Variants in UHRF1 observed in about 807,000 individuals in gnomAD.
UHRF1 encodes the protein ubiquitin like with PHD and ring finger domains 1.
Under a neutral mutation model 96.5 loss-of-function variants are expected in UHRF1, and 9 were observed. The ratio of observed to expected loss-of-function variants is 0.09; its 90% CI spans 0.06 to 0.16. UHRF1 has a LOEUF of 0.16. Among genes scored for constraint, UHRF1 ranks in the 10% least tolerant of loss-of-function variants. The pLI is 1.00. For synonymous variants in UHRF1, 455 were observed against 469.9 expected, an observed-to-expected ratio of 0.97 and a Z score of 0.41; for missense variants, 626 against 1,131.1, an observed-to-expected ratio of 0.55 and a Z score of 6.40.
intron 5 of UHRF1, 90 bp downstream of exon 5, chr19:4,933,046 G>T: frequency 7.1e-7 from 1 of 1,399,758 alleles, no homozygotes; most frequent in South Asian, 1.4e-5. Context: ...TCCAGCCAGC[G>T]CTGTGTGTGC....
At chr19:4,909,258 G>A (rs1568403105), upstream of UHRF1, 2 of 522,586 alleles carry the variant, frequency 3.8e-6, no homozygotes, top group South Asian at 2.5e-5. Context: ...CCACGTGCGG[G>A]GGGTGACCAG....
intron 2 of UHRF1, 40 bp downstream of exon 2, chr19:4,911,078 A>G: frequency 1.3e-6 from 2 of 1,483,244 alleles, no homozygotes; most frequent in East Asian, 2.5e-5. Context: ...TGCCTGGTCC[A>G]GGCCTCGCGC....
At position 4,909,641 on chromosome 19, in the gene UHRF1, G is replaced by C; in HGVS notation, c.-25G>C. The C allele has an allele frequency of 3.5e-6, 2 of 572,506 alleles. No individual in the cohort carries two copies. Among genetic ancestry groups the C allele is most frequent in the Non-Finnish European group, 6.1e-6 (2 of 327,264 alleles). 35.5% of individuals were successfully genotyped at this position (572,506 alleles called of 1,614,324 possible). A position where few individuals can be genotyped will look rare whatever the true frequency, so the allele number is the denominator to read the frequency against. Reference sequence around the variant, plus strand: ...ACGCGCGCAGGCAGACAAGCTGTTCGCGGCGACCGGAGAGGTGAGCGGGCG... The same window carrying C: ...ACGCGCGCAGGCAGACAAGCTGTTCCCGGCGACCGGAGAGGTGAGCGGGCG... On this transcript the variant is annotated 5_prime_UTR_variant, in exon 1 of 17. Coordinates refer to ENST00000650932, the MANE Select transcript of UHRF1 (RefSeq NM_001048201.3).
At chr19:4,935,731 C>T (rs575655724) in intron 5 of UHRF1, among the ~76,000 whole-genome samples, 4 of 152,160 alleles carry the variant, frequency 2.6e-5, no homozygotes, top group African/African-American at 7.2e-5. Flanking sequence ...AGTGACAGTC[C>T]GTCAGCTCTG....
chr19:4,958,398 T>C (rs1398631568), intron 16 of UHRF1, among the ~76,000 whole-genome samples: 1 of 152,150 alleles, frequency 6.6e-6, no homozygotes, highest in African/African-American at 2.4e-5. Context: ...AAGGAGGTGC[T>C]CAGGAGGTGG....
chr19:4,918,566 C>A (rs2032600250), intron 2 of UHRF1, among the ~76,000 whole-genome samples: 1 of 151,664 alleles, frequency 6.6e-6, no homozygotes, highest in Non-Finnish European at 1.5e-5. Flanking sequence ...AGGCATGCAC[C>A]ACCATGCCCG....
intron 2 of UHRF1, among the ~76,000 whole-genome samples, chr19:4,928,932 C>T (rs1161483569): frequency 1.3e-5 from 2 of 152,222 alleles, no homozygotes; most frequent in South Asian, 4.1e-4. Context: ...CCAAGACCCC[C>T]ATGTGTGCGT....
intron 5 of UHRF1, among the ~76,000 whole-genome samples, chr19:4,941,091 T>A (rs867889712): frequency 7.2e-6 from 1 of 138,024 alleles, no homozygotes; most frequent in Non-Finnish European, 1.6e-5. Context: ...TTTTGTTTTT[T>A]TTTTTTTTTT....
At chr19:4,933,098 G>A in intron 5 of UHRF1, 142 bp downstream of exon 5, 1 of 914,096 alleles carries the variant, frequency 1.1e-6, no homozygotes, top group Non-Finnish European at 1.6e-6. Context: ...CCTCCCCTCT[G>A]GGGTCTGTTC....
intron 11 of UHRF1, among the ~76,000 whole-genome samples, chr19:4,948,559 GAGGCCGAGGT>G (rs1310217510): frequency 1.3e-5 from 2 of 152,132 alleles, no homozygotes; most frequent in East Asian, 3.8e-4. Context: ...AGCACTTTGA[GAGGCCGAGGT>G]AGGTGGTGGA....
At chr19:4,904,478 C>T (rs1199808793) in intron 1 of UHRF1, among the ~76,000 whole-genome samples, 1 of 151,782 alleles carries the variant, frequency 6.6e-6, no homozygotes, top group Non-Finnish European at 1.5e-5. Flanking sequence ...CGCACCCAGC[C>T]AATTTTTGTT....
rs1202053666 is a variant in UHRF1, at chr19:4,954,553, G to A, written c.1957+65G>A. The A allele has an allele frequency of 1.3e-6, 2 of 1,584,376 alleles. No homozygotes were observed. The highest frequency in any genetic ancestry group is 1.3e-5 in the African/African-American group (1 of 74,328). On this transcript the variant is annotated intron_variant, in intron 14 of 16. Coordinates refer to ENST00000650932, the MANE Select transcript of UHRF1 (RefSeq NM_001048201.3). This position sits in a 1 kb window ranked among gnomAD's most constrained non-coding sequence, Gnocchi z 5.9. ...GGGGGAGCAGGTGGGCATCTCGCGG[G>A]TGTGGGGTTGAGGTCGTGTGGACGT...
chr19:4,940,358 G>GCTTT (rs2033353512), intron 5 of UHRF1, among the ~76,000 whole-genome samples: 1 of 85,150 alleles, frequency 1.2e-5, no homozygotes, highest in African/African-American at 4.0e-5. Context: ...TTGCCTTTAT[G>GCTTT]ATTTTTTTTT....
upstream of UHRF1, among the ~76,000 whole-genome samples, chr19:4,908,973 G>C (rs559442326): frequency 6.6e-6 from 1 of 152,274 alleles, no homozygotes; most frequent in South Asian, 2.1e-4. Context: ...GGAAAACGAG[G>C]CGGGAAAAGA....
chr19:4,956,107 T>A (rs1191117404), intron 15 of UHRF1, among the ~76,000 whole-genome samples: 1 of 152,054 alleles, frequency 6.6e-6, no homozygotes, highest in African/African-American at 2.4e-5. Flanking sequence ...AATCTTGTAT[T>A]TTTAGTAGGG....
chr19:4,956,395 C>CA (rs2033857840), intron 15 of UHRF1, among the ~76,000 whole-genome samples: 1 of 152,228 alleles, frequency 6.6e-6, no homozygotes, highest in African/African-American at 2.4e-5. Flanking sequence ...TGTCTTGACT[C>CA]AGTGCAGGGT....
intron 11 of UHRF1, among the ~76,000 whole-genome samples, chr19:4,949,365 C>CT (rs1568429010): frequency 6.6e-6 from 1 of 151,948 alleles, no homozygotes; most frequent in Non-Finnish European, 1.5e-5. Context: ...ATGATCTATT[C>CT]TTGTCACTCT....
At chr19:4,950,261 T>G (rs1474184323) in intron 11 of UHRF1, among the ~76,000 whole-genome samples, 2 of 150,098 alleles carry the variant, frequency 1.3e-5, no homozygotes, top group Non-Finnish European at 3.0e-5. Flanking sequence ...TTTTTTTTTT[T>G]GAGACAGAAC....
intron 2 of UHRF1, among the ~76,000 whole-genome samples, chr19:4,926,778 A>G (rs1370599454): frequency 6.6e-6 from 1 of 152,102 alleles, no homozygotes; most frequent in Non-Finnish European, 1.5e-5. Context: ...GAAAAAAAAA[A>G]AAAAGTCCGG....
Sources: allele counts gnomAD v4.1 joint callset (sites outside exome capture counted in the v4.1 genomes callset), GRCh38; gene constraint gnomAD v4.1.1; non-coding constraint Gnocchi (gnomAD v3.1); transcripts MANE v1.5; gene names NCBI Gene and HGNC (gene_info 2026-07-23, HGNC 2026-07-21).